The following HYCC1 variants were observed in gnomAD, a reference collection of about 807,000 sequenced individuals.
HYCC1 encodes the protein hyccin.
At chr7:22,915,169 C>G in the HYCC1 span, among the ~76,000 whole-genome samples, 51,899 of 152,002 alleles carry the variant, frequency 0.34, 9,668 homozygotes, top group Non-Finnish European at 0.42. Context: ...CCACTCCCAG[C>G]ATTGCAAAAA....
chr7:22,975,268 C>CA, the HYCC1 span, among the ~76,000 whole-genome samples: 7 of 151,556 alleles, frequency 4.6e-5, no homozygotes, highest in South Asian at 2.1e-4. Context: ...TAGAAAATCA[C>CA]AAAAAAAATC....
the HYCC1 span, among the ~76,000 whole-genome samples, chr7:22,930,198 G>A: frequency 2.4e-5 from 3 of 124,900 alleles, no homozygotes; most frequent in East Asian, 5.3e-4. Flanking sequence ...GTTGTGGGGT[G>A]GGGGGAGGGG....
At chr7:22,898,107 A>G in the HYCC1 span, among the ~76,000 whole-genome samples, 2 of 150,742 alleles carry the variant, frequency 1.3e-5, no homozygotes, top group East Asian at 2.0e-4. Flanking sequence ...AGTGCAGTGC[A>G]TGATCATGGC....
At chr7:22,920,137 T>C in the HYCC1 span, among the ~76,000 whole-genome samples, 99,214 of 151,894 alleles carry the variant, frequency 0.65, 32,377 homozygotes, top group Non-Finnish European at 0.67. Flanking sequence ...ACAGTAGCCT[T>C]GACAACATAG....
chr7:22,954,417 C>A, the HYCC1 span, among the ~76,000 whole-genome samples: 3 of 151,030 alleles, frequency 2.0e-5, no homozygotes, highest in East Asian at 5.8e-4. Context: ...TTTCTTTTTT[C>A]ATCTAACAAG....
the HYCC1 span, among the ~76,000 whole-genome samples, chr7:22,978,975 C>G: frequency 2.2e-4 from 33 of 152,104 alleles, no homozygotes; most frequent in Non-Finnish European, 4.4e-4. Context: ...GTAAGACCCT[C>G]TTATAGGTAA....
the HYCC1 span, among the ~76,000 whole-genome samples, chr7:22,930,174 A>G: frequency 8.3e-6 from 1 of 121,034 alleles, no homozygotes; most frequent in Admixed American, 1.1e-4. Flanking sequence ...GGGGAACATC[A>G]CACACCGGGG....
the HYCC1 span, among the ~76,000 whole-genome samples, chr7:22,896,221 A>ATAACATAT: frequency 1.3e-5 from 2 of 152,376 alleles, no homozygotes; most frequent in Non-Finnish European, 2.9e-5. Flanking sequence ...GTTATGATAC[A>ATAACATAT]GGAGAAAGGG....
chr7:22,932,177 A>T, the HYCC1 span, among the ~76,000 whole-genome samples: 1 of 152,136 alleles, frequency 6.6e-6, no homozygotes, highest in African/African-American at 2.4e-5. Flanking sequence ...TCTATGCAAG[A>T]CTCCCTTGTC....
the HYCC1 span, chr7:22,991,047 A>C: frequency 6.4e-7 from 1 of 1,560,228 alleles, no homozygotes; most frequent in South Asian, 1.1e-5. Flanking sequence ...CTATAGTAGA[A>C]CAGTAAATAT....
At chr7:22,950,368 T>C in the HYCC1 span, among the ~76,000 whole-genome samples, 2 of 152,170 alleles carry the variant, frequency 1.3e-5, no homozygotes, top group Non-Finnish European at 2.9e-5. Flanking sequence ...GAAGGAGTTT[T>C]TAAAATTTTC....
chr7:22,917,289 G>C, the HYCC1 span, among the ~76,000 whole-genome samples: 4 of 152,146 alleles, frequency 2.6e-5, no homozygotes, highest in African/African-American at 9.7e-5. Context: ...ATTCTATTCT[G>C]TTGTCATTTC....
At chr7:22,996,674 G>T in the HYCC1 span, among the ~76,000 whole-genome samples, 1 of 148,074 alleles carries the variant, frequency 6.8e-6, no homozygotes, top group Admixed American at 6.7e-5. Context: ...TCTGACTAAA[G>T]GTATCAGTAA....
At chr7:22,934,113 T>C in the HYCC1 span, 31 of 152,176 alleles carry the variant, frequency 2.0e-4, 1 homozygote, top group African/African-American at 7.0e-4. Context: ...TTTTGAAGGG[T>C]TGTGAAATAA....
chr7:22,993,999 G>A, the HYCC1 span, among the ~76,000 whole-genome samples: 1 of 152,052 alleles, frequency 6.6e-6, no homozygotes, highest in African/African-American at 2.4e-5. Context: ...TTTGTTTTTA[G>A]AGACAGAGTC....
chr7:22,932,058 C>T, the HYCC1 span, among the ~76,000 whole-genome samples: 2 of 152,154 alleles, frequency 1.3e-5, no homozygotes, highest in African/African-American at 4.8e-5. Flanking sequence ...CTGGAGAGAA[C>T]ACCAAAGGCG....
the HYCC1 span, chr7:22,942,413 A>AGGAAG: frequency 6.6e-6 from 1 of 152,110 alleles, no homozygotes; most frequent in Non-Finnish European, 1.5e-5. Context: ...CTGTGGCTTC[A>AGGAAG]GGAAGGGAAG....
chr7:22,945,529 TA>T, the HYCC1 span: 1 of 1,325,506 alleles, frequency 7.5e-7, no homozygotes, highest in Non-Finnish European at 1.1e-6. Context: ...GGTACTTTCA[TA>T]AAGAAGCAAA....
the HYCC1 span, chr7:23,013,875 C>G: frequency 6.6e-6 from 3 of 455,894 alleles, no homozygotes; most frequent in Admixed American, 7.1e-5. Context: ...AAAAGTTATC[C>G]GTTGCCGGAC....
Sources: allele counts gnomAD v4.1 joint callset (sites outside exome capture counted in the v4.1 genomes callset), GRCh38; gene constraint gnomAD v4.1.1; transcripts MANE v1.5; gene names NCBI Gene and HGNC (gene_info 2026-07-23, HGNC 2026-07-21).